Variants in TTC39C observed in about 807,000 individuals in gnomAD.
TTC39C encodes the protein tetratricopeptide repeat protein 39C.
A neutral mutation model predicts 76.3 loss-of-function variants in TTC39C; 33 were observed. That is an observed-to-expected ratio of 0.43 (90% CI 0.33 to 0.58). The LOEUF (loss-of-function observed/expected upper bound fraction) is 0.58. Among genes scored for constraint, TTC39C ranks in the 20% least tolerant of loss-of-function variants. The pLI, the probability that TTC39C is intolerant of heterozygous loss-of-function variation, is 0.04. For synonymous variants in TTC39C, 254 were observed against 260.6 expected, an observed-to-expected ratio of 0.97 and a Z score of 0.24; for missense variants, 595 against 701.4, an observed-to-expected ratio of 0.85 and a Z score of 1.71.
intron 2 of TTC39C, 70 bp downstream of exon 2, chr18:24,064,258 A>G (rs1188128395): frequency 1.3e-5 from 21 of 1,561,418 alleles, no homozygotes; most frequent in Non-Finnish European, 1.8e-5. Context: ...GTTAGTGGCT[A>G]CCAGTTGTAT....
At chr18:24,049,459 C>G (rs1244804384) in intron 1 of TTC39C, among the ~76,000 whole-genome samples, 1 of 152,172 alleles carries the variant, frequency 6.6e-6, no homozygotes, top group South Asian at 2.1e-4. Context: ...AGGCTGTTCC[C>G]TCACTCACTC....
chr18:24,085,242 G>A (rs1405478786), intron 6 of TTC39C, among the ~76,000 whole-genome samples: 1 of 152,184 alleles, frequency 6.6e-6, no homozygotes, highest in Non-Finnish European at 1.5e-5. Context: ...TTAAAATTGT[G>A]TGCAGCAGGG....
chr18:24,055,161 G>T (rs2083999521), intron 1 of TTC39C, among the ~76,000 whole-genome samples: 1 of 152,080 alleles, frequency 6.6e-6, no homozygotes, highest in Non-Finnish European at 1.5e-5. Context: ...CACTTGAGTT[G>T]CTTCCATCTT....
chr18:24,091,925 TA>T (rs546936685), intron 6 of TTC39C, among the ~76,000 whole-genome samples: 7 of 148,646 alleles, frequency 4.7e-5, no homozygotes, highest in South Asian at 2.1e-4. Context: ...CTGTCTCTAC[TA>T]AAAAAAAATG....
intron 6 of TTC39C, among the ~76,000 whole-genome samples, chr18:24,096,304 T>C (rs1392681001): frequency 6.6e-6 from 1 of 152,250 alleles, no homozygotes; most frequent in Non-Finnish European, 1.5e-5. Context: ...ATTTCTTATA[T>C]ATTTGTCCAA....
intron 1 of TTC39C, among the ~76,000 whole-genome samples, chr18:24,016,055 CAG>C (rs2083451283): frequency 6.6e-6 from 1 of 152,178 alleles, no homozygotes; most frequent in Non-Finnish European, 1.5e-5. Context: ...GACCGGGAGA[CAG>C]AGTCTGTAAG....
intron 1 of TTC39C, among the ~76,000 whole-genome samples, chr18:23,996,998 AC>A (rs1383197787): frequency 6.6e-6 from 1 of 152,206 alleles, no homozygotes; most frequent in Non-Finnish European, 1.5e-5. Flanking sequence ...AGTCCCAGCT[AC>A]TTGGGAGGCT....
At chr18:24,126,251 A>G (rs1482359834) in intron 10 of TTC39C, among the ~76,000 whole-genome samples, 1 of 152,218 alleles carries the variant, frequency 6.6e-6, no homozygotes, top group Admixed American at 6.5e-5. Flanking sequence ...CATTTTCCCA[A>G]GAAATTAGTA....
intron 6 of TTC39C, among the ~76,000 whole-genome samples, chr18:24,103,544 C>G (rs2084705128): frequency 6.6e-6 from 1 of 152,220 alleles, no homozygotes; most frequent in African/African-American, 2.4e-5. Flanking sequence ...CCTACCTTGT[C>G]TCTTATAGGG....
At chr18:24,011,490 A>C (rs1484288932), upstream of TTC39C, among the ~76,000 whole-genome samples, 3 of 152,192 alleles carry the variant, frequency 2.0e-5, no homozygotes, top group African/African-American at 4.8e-5. Context: ...AAAGTGGCAA[A>C]GCTAAGAGGT....
intron 6 of TTC39C, among the ~76,000 whole-genome samples, chr18:24,084,326 A>G (rs1380485148): frequency 6.6e-6 from 1 of 151,962 alleles, no homozygotes; most frequent in East Asian, 1.9e-4. Context: ...TCCACGAAAA[A>G]TACAATAAAC....
chr18:24,016,691 C>G (rs1418426581), intron 1 of TTC39C: 1 of 398,438 alleles, frequency 2.5e-6, no homozygotes, highest in Admixed American at 4.4e-5. Flanking sequence ...TTGGAAAACT[C>G]TCTCCCAGCA....
intron 6 of TTC39C, among the ~76,000 whole-genome samples, chr18:24,091,009 G>A (rs538388822): frequency 2.6e-5 from 4 of 152,112 alleles, no homozygotes; most frequent in East Asian, 1.9e-4. Flanking sequence ...GTTTCACCAC[G>A]TTGGCCAGGC....
At chr18:24,108,680 G>A (rs914789241) in intron 6 of TTC39C, among the ~76,000 whole-genome samples, 2 of 152,156 alleles carry the variant, frequency 1.3e-5, no homozygotes, top group African/African-American at 4.8e-5. Flanking sequence ...TTTTTTAATT[G>A]TGTGGAAAAT....
At chr18:24,000,982 G>C (rs908978111) in intron 1 of TTC39C, among the ~76,000 whole-genome samples, 3 of 152,222 alleles carry the variant, frequency 2.0e-5, no homozygotes, top group South Asian at 2.1e-4. Context: ...TCAGAGATCT[G>C]AGATCTCTGA....
chr18:24,087,149 A>T (rs1367547854), intron 6 of TTC39C, among the ~76,000 whole-genome samples: 1 of 152,160 alleles, frequency 6.6e-6, no homozygotes, highest in Non-Finnish European at 1.5e-5. Flanking sequence ...TATAATTTTG[A>T]ATTTCTGTAT....
chr18:23,995,343 G>A (rs868284236), intron 1 of TTC39C, among the ~76,000 whole-genome samples: 2 of 152,194 alleles, frequency 1.3e-5, no homozygotes, highest in South Asian at 2.1e-4. Context: ...GGTGGCGCGC[G>A]TCTGTAGTCC....
At chr18:24,051,510 G>A (rs932545339) in intron 1 of TTC39C, among the ~76,000 whole-genome samples, 14 of 152,280 alleles carry the variant, frequency 9.2e-5, no homozygotes, top group Admixed American at 9.2e-4. Flanking sequence ...CTCCCCAAAA[G>A]GGTGGGCACA....
chr18:24,107,191 A>G (rs1375690475), intron 6 of TTC39C, among the ~76,000 whole-genome samples: 1 of 152,156 alleles, frequency 6.6e-6, no homozygotes, highest in Non-Finnish European at 1.5e-5. Flanking sequence ...GTACTCATGT[A>G]TATTTAGTGT....
Sources: gnomAD v4.1 joint callset for allele counts (sites outside exome capture counted in the v4.1 genomes callset) on GRCh38, gnomAD v4.1.1 for gene constraint, MANE v1.5 for transcripts, NCBI Gene and HGNC (gene_info 2026-07-23, HGNC 2026-07-21) for gene names.